Variants in THRA observed in about 807,000 individuals in gnomAD.
The protein encoded by THRA is thyroid hormone receptor alpha.
Under a neutral mutation model 45.0 loss-of-function variants are expected in THRA, and 13 were observed. That is an observed-to-expected ratio of 0.29 (90% CI 0.19 to 0.46). The LOEUF is 0.46. THRA is among the 20% of genes least tolerant of loss of function. The probability of loss-of-function intolerance (pLI) is 1.00; values close to 1 mark genes in which losing one functional copy is unlikely to be tolerated. For missense variants in THRA, 278 were observed against 556.1 expected (o/e 0.50, Z 5.03); for synonymous variants, 195 against 214.0 (o/e 0.91, Z 0.78).
In THRA at chr17:40,089,242, AGAGTCAGGAGGCGTACCTGCTGGCGTTC is replaced by A; in HGVS notation, c.1023_1050del (p.Gln342ThrfsTer18). 6.2e-7 allele frequency: 1 copy of A among 1,614,046 alleles called. No homozygotes were observed. Among genetic ancestry groups the A allele is most frequent in the Non-Finnish European group, 8.5e-7 (1 of 1,180,004 alleles). ...CTGCTGTGTGTGGACAAGATCGAGA[AGAGTCAGGAGGCGTACCTGCTGGCGTTC>A]GAGCACTACGTCAACCACCGCAAAC... On this transcript the variant is annotated frameshift_variant, in exon 9 of 9. Transcript: ENST00000450525. LOFTEE classifies it high-confidence loss of function. This position sits in a 1 kb window ranked among gnomAD's most constrained non-coding sequence, Gnocchi z 6.1.
intron 1 of THRA, among the ~76,000 whole-genome samples, chr17:40,073,985 G>T (rs1986865288): frequency 6.6e-6 from 1 of 152,046 alleles, no homozygotes; most frequent in Non-Finnish European, 1.5e-5. Context: ...TCCTTCCCAT[G>T]TCTGGGGCTT....
chr17:40,093,417 G>A (rs1259522617), downstream of THRA: 3 of 1,590,210 alleles, frequency 1.9e-6, no homozygotes, highest in East Asian at 2.3e-5. The surrounding 1 kb of genome is among the most constrained non-coding windows in gnomAD (Gnocchi z 5.9). Flanking sequence ...AGGAGAAGGA[G>A]TGCCATACCT....
Position 40,086,760 on chromosome 17 carries a change from G to A in THRA, c.630G>A (p.Val210=). 2 of 1,614,142 alleles carry A rather than the reference G, an allele frequency of 1.2e-6. No individual in the cohort carries two copies. Among genetic ancestry groups the A allele is most frequent in the Non-Finnish European group, 1.7e-6 (2 of 1,180,028 alleles). Residue 210 remains valine, a synonymous_variant, in exon 7 of 9, where the codon GTG becomes GTA. Coordinates refer to ENST00000450525, the MANE Select transcript of THRA (RefSeq NM_199334.5). The part of the protein sequence containing the change: ...PIVSMPDGDK[V]DLEAFSEFTK... Reference sequence around the variant, plus strand: ...TCTCCATGCCGGACGGAGACAAGGTGGACCTGGAAGCCTTCAGCGAGTTTA... The same window carrying A: ...TCTCCATGCCGGACGGAGACAAGGTAGACCTGGAAGCCTTCAGCGAGTTTA...
chr17:40,085,612 G>T (rs1207898590), intron 6 of THRA, among the ~76,000 whole-genome samples: 1 of 151,546 alleles, frequency 6.6e-6, no homozygotes, highest in Non-Finnish European at 1.5e-5. Context: ...GTGATTACAA[G>T]ATGTGAGCCA....
At chr17:40,093,819 C>T (rs1001339408), downstream of THRA, 1 of 1,157,386 alleles carries the variant, frequency 8.6e-7, no homozygotes, top group Non-Finnish European at 1.3e-6. This position sits in a 1 kb window ranked among gnomAD's most constrained non-coding sequence, Gnocchi z 5.9. Context: ...GTGCCCGGTG[C>T]AGGGCCTGGC....
At chr17:40,067,688 G>A (rs571665060) in intron 1 of THRA, among the ~76,000 whole-genome samples, 1 of 152,310 alleles carries the variant, frequency 6.6e-6, no homozygotes, top group South Asian at 2.1e-4. Context: ...ACCCTGTAGG[G>A]GTGACGGGAA....
rs1183336665 is a variant in THRA at position 40,091,293 on chromosome 17, G to C, written c.*1837G>C. 6.6e-6 allele frequency: 1 copy of C among 150,960 alleles called. No individual in the cohort carries two copies. The highest frequency in any genetic ancestry group is 2.5e-5 in the African/African-American group (1 of 39,250). 9.4% of individuals were successfully genotyped at this position (150,960 alleles called of 1,614,324 possible). ...ACACGGACATGCACACACGGACATG[G>C]GAAGGCAATGCTATGCTGCCCGTCA... On this transcript the variant is annotated 3_prime_UTR_variant, in exon 9 of 9. Coordinates refer to ENST00000450525, the MANE Select transcript of THRA (RefSeq NM_199334.5).
Position 40,084,681 on chromosome 17 carries a change from G to A in THRA, c.442G>A (p.Glu148Lys), listed in dbSNP as rs777272206. Residue 148 changes from glutamate (E) to lysine (K), a missense_variant, in exon 6 of 9, where the codon GAG (glutamate) becomes AAG (lysine). Glu to Lys is a moderately conservative substitution (Grantham distance 56). Around this residue, in one of 6 missense-constraint regions of THRA, gnomAD observed 111 missense variants for 167.1 expected, o/e 0.66. Coordinates refer to ENST00000450525, the MANE Select transcript of THRA (RefSeq NM_199334.5). ...GCAGAACCGGGAGCGGCGGCGGAAG[G>A]AGGAGATGATCCGATCACTGCAGCA... is the stretch of plus-strand genomic sequence containing the variant. ...IEQNRERRRK[E>K]EMIRSLQQRP... The A allele has an allele frequency of 6.2e-7, 1 of 1,614,110 alleles. No homozygotes were observed. Among genetic ancestry groups the A allele is most frequent in the South Asian group, 1.1e-5 (1 of 91,086 alleles).
Position 40,084,593 on chromosome 17 carries a change from T to C in THRA, c.371-17T>C. The C allele has an allele frequency of 6.2e-7, 1 of 1,613,496 alleles. No homozygotes were observed. Among genetic ancestry groups the C allele is most frequent in the South Asian group, 1.1e-5 (1 of 90,988 alleles). ...GGAGGGTGCCATGCGTTAGACCTTG[T>C]GCCTCTCTGTTCACAGTGGTTCTAG... is the stretch of plus-strand genomic sequence containing the variant. On this transcript the variant is annotated splice_polypyrimidine_tract_variant and intron_variant, in intron 5 of 8. Coordinates refer to ENST00000450525, the MANE Select transcript of THRA (RefSeq NM_199334.5).
At chr17:40,071,065 C>T (rs571618927) in intron 1 of THRA, among the ~76,000 whole-genome samples, 65 of 152,020 alleles carry the variant, frequency 4.3e-4, no homozygotes, top group Non-Finnish European at 8.2e-4. Flanking sequence ...CTTCCCCCTC[C>T]TCCCTTCTTC....
chr17:40,062,194 G>A (rs541310042), upstream of THRA: 10 of 152,278 alleles, frequency 6.6e-5, no homozygotes, highest in Admixed American at 4.6e-4. Context: ...AGGAGAGGGA[G>A]CAGATTGTTG....
chr17:40,084,154 G>C (rs1987241804), intron 5 of THRA, among the ~76,000 whole-genome samples, 172 bp downstream of exon 5: 1 of 152,164 alleles, frequency 6.6e-6, no homozygotes. Context: ...CTGCGCAAAA[G>C]GAAACAGGAT....
chr17:40,077,697 CTTT>C, intron 4 of THRA, 89 bp downstream of exon 4: 36 of 814,152 alleles, frequency 4.4e-5, no homozygotes, highest in East Asian at 9.1e-5. Flanking sequence ...TAGGTCATCA[CTTT>C]TTTTTTTTTT....
chr17:40,070,126 G>A (rs1485363074), intron 1 of THRA, among the ~76,000 whole-genome samples: 1 of 152,020 alleles, frequency 6.6e-6, no homozygotes, highest in East Asian at 1.9e-4. Flanking sequence ...CAGTGGCTAG[G>A]TGATGAGTCA....
downstream of THRA, chr17:40,093,327 C>A (rs201804855): frequency 6.2e-7 from 1 of 1,613,286 alleles, no homozygotes; most frequent in Admixed American, 1.7e-5. This position sits in a 1 kb window ranked among gnomAD's most constrained non-coding sequence, Gnocchi z 5.9. Context: ...CCGAGCTCCT[C>A]TGAGGAGGAA....
Position 40,064,442 on chromosome 17 carries a change from G to A in THRA, c.-298+1350G>A, listed in dbSNP as rs185409105. On this transcript the variant is annotated intron_variant, in intron 1 of 8. Coordinates refer to ENST00000450525, the MANE Select transcript of THRA (RefSeq NM_199334.5). ...AGTCACACAGACATCATTGCTTGCCGTGACAGTCGCTGTCACTCAGTCAGA... is the reference window on the plus strand; with the variant it reads ...AGTCACACAGACATCATTGCTTGCCATGACAGTCGCTGTCACTCAGTCAGA... Among the ~76,000 whole-genome samples, 303 of 152,306 alleles carry A rather than the reference G, an allele frequency of 2.0e-3. 1 individual carries two copies. The highest frequency in any genetic ancestry group is 7.0e-3 in the African/African-American group (292 of 41,556).
chr17:40,083,526 A>G (rs1987220282), intron 4 of THRA, among the ~76,000 whole-genome samples: 1 of 152,216 alleles, frequency 6.6e-6, no homozygotes. Flanking sequence ...TGGATTTCCA[A>G]AGCTGCTATT....
At position 40,088,388 on chromosome 17, in the gene THRA, C is replaced by T. The variant is rs201494524; in HGVS notation, c.870C>T (p.Gly290=). The change falls in exon 8 of 9, where the codon GGC becomes GGT. Residue 290 remains glycine, a synonymous_variant. Coordinates refer to ENST00000450525, the MANE Select transcript of THRA (RefSeq NM_199334.5). ...MAVKREQLKN[G]GLGVVSDAIF... is the part of the protein sequence containing the mutation. ...TCAAGCGGGAGCAGCTCAAGAATGG[C>T]GGCCTGGGCGTAGTCTCCGACGCCA... 326 of 1,614,130 alleles carry T rather than the reference C, an allele frequency of 2.0e-4. 1 individual carries two copies. The Admixed American group carries it at 5.1e-3, about 25-fold the overall frequency.
chr17:40,077,785 C>T (rs1987004345), intron 4 of THRA, among the ~76,000 whole-genome samples, 177 bp downstream of exon 4: 1 of 152,118 alleles, frequency 6.6e-6, no homozygotes, highest in Non-Finnish European at 1.5e-5. Context: ...GCAACCTCCG[C>T]CTTCAGGTTC....
Sources: allele counts gnomAD v4.1 joint callset (sites outside exome capture counted in the v4.1 genomes callset), GRCh38; gene constraint gnomAD v4.1.1; regional missense constraint gnomAD v4.1.1; non-coding constraint Gnocchi (gnomAD v3.1); transcripts MANE v1.5; gene names NCBI Gene and HGNC (gene_info 2026-07-23, HGNC 2026-07-21).